LRRTM4: variants seen among roughly 807,000 people sequenced by gnomAD.
LRRTM4 encodes the protein leucine-rich repeat transmembrane neuronal protein 4.
LRRTM4 carries 25 observed loss-of-function variants against 47.6 expected under a neutral mutation model. The observed-to-expected ratio is 0.53, with a 90% CI of 0.38 to 0.73. LRRTM4 has a LOEUF of 0.73. Ranked by LOEUF, LRRTM4 falls within the 30% of genes least tolerant of loss-of-function variation. LRRTM4 has a pLI of 0.00. For missense variants in LRRTM4, 638 were observed against 713.4 expected (o/e 0.89, Z 1.20); for synonymous variants, 311 against 269.5 (o/e 1.15, Z -1.51).
chr2:77,058,141 C>T (rs1679668249), intron 3 of LRRTM4, among the ~76,000 whole-genome samples: 1 of 152,106 alleles, frequency 6.6e-6, no homozygotes, highest in Admixed American at 6.6e-5. Context: ...CTAATTCAAA[C>T]AACCAACAAA....
At chr2:76,969,847 AAAAT>A (rs1004365829) in intron 3 of LRRTM4, among the ~76,000 whole-genome samples, 12 of 152,084 alleles carry the variant, frequency 7.9e-5, no homozygotes, top group African/African-American at 2.6e-4. Context: ...TCTTAGGGAG[AAAAT>A]AAATAAATAA....
intron 3 of LRRTM4, among the ~76,000 whole-genome samples, chr2:77,344,300 C>T (rs1333558874): frequency 6.6e-6 from 1 of 151,588 alleles, no homozygotes; most frequent in African/African-American, 2.4e-5. Context: ...CTATAAACAG[C>T]CATTACAATG....
At chr2:76,806,186 TAAAC>T (rs969830753) in intron 3 of LRRTM4, among the ~76,000 whole-genome samples, 5 of 152,156 alleles carry the variant, frequency 3.3e-5, no homozygotes, top group African/African-American at 7.2e-5. Flanking sequence ...AGGGCTTTAT[TAAAC>T]AAATAACTAG....
rs1573489590 is a variant in LRRTM4 at position 77,492,745 on chromosome 2, T to C, written c.1551+25573A>G. ...GTATAAGGATACTTTATGAAATCAA[T>C]GCACAGCTCTCAGTTTTGAGAGATC... On this transcript the variant is annotated intron_variant, in intron 3 of 3. Transcript: ENST00000409884. 5.9e-5 allele frequency among the ~76,000 whole-genome samples: 9 copies of C among 152,282 alleles called. No homozygotes were observed. The South Asian group carries it at 1.9e-3, about 32-fold the overall frequency.
intron 3 of LRRTM4, among the ~76,000 whole-genome samples, chr2:77,184,679 C>T (rs1159615804): frequency 6.6e-6 from 1 of 151,978 alleles, no homozygotes; most frequent in East Asian, 1.9e-4. Context: ...TCCCTCCCAG[C>T]CATAAATAAA....
chr2:76,799,628 A>C (rs1675546622), intron 3 of LRRTM4, among the ~76,000 whole-genome samples: 1 of 137,220 alleles, frequency 7.3e-6, no homozygotes, highest in African/African-American at 2.8e-5. Context: ...AAGGAAATAA[A>C]GGGTATTCAA....
rs181254608 is a variant in LRRTM4, at chr2:77,324,371, C to T, written c.1551+193947G>A. Among the ~76,000 whole-genome samples, 374 of 152,188 alleles carry T rather than the reference C, an allele frequency of 2.5e-3. 6 individuals carry two copies. Among genetic ancestry groups the T allele is most frequent in the Non-Finnish European group, 7.5e-4 (51 of 67,984 alleles). The stretch of plus-strand genomic sequence containing the variant: ...TTAAATAGGTAAGCTCATATGCACA[C>T]AAATATATTTCTGACAGAAGTGCTA... On this transcript the variant is annotated intron_variant, in intron 3 of 3. Transcript: ENST00000409884.
At chr2:77,394,566 A>G (rs1209990944) in intron 3 of LRRTM4, among the ~76,000 whole-genome samples, 1 of 151,930 alleles carries the variant, frequency 6.6e-6, no homozygotes, top group Non-Finnish European at 1.5e-5. Context: ...AGGCACTTCA[A>G]GCGATGTGAG....
intron 3 of LRRTM4, among the ~76,000 whole-genome samples, chr2:77,172,850 C>G (rs1235244997): frequency 6.6e-6 from 1 of 152,096 alleles, no homozygotes; most frequent in Non-Finnish European, 1.5e-5. Context: ...TAGTAAAAAC[C>G]CCCAAATATC....
At chr2:77,059,370 T>TTTCG (rs1224484324) in intron 3 of LRRTM4, among the ~76,000 whole-genome samples, 1 of 152,048 alleles carries the variant, frequency 6.6e-6, no homozygotes, top group Non-Finnish European at 1.5e-5. Flanking sequence ...TCACTTTTTC[T>TTTCG]TTATTTCCTT....
chr2:77,151,330 C>A (rs955029818), intron 3 of LRRTM4, among the ~76,000 whole-genome samples: 1 of 152,116 alleles, frequency 6.6e-6, no homozygotes, highest in South Asian at 2.1e-4. Context: ...CATTCCCCCA[C>A]AATCTCAATC....
At chr2:76,837,967 A>G (rs866125572) in intron 3 of LRRTM4, among the ~76,000 whole-genome samples, 3 of 152,002 alleles carry the variant, frequency 2.0e-5, no homozygotes, top group African/African-American at 7.2e-5. Flanking sequence ...GGATAGCATT[A>G]GGAGATATAC....
At chr2:76,963,408 G>A (rs899193640) in intron 3 of LRRTM4, among the ~76,000 whole-genome samples, 1 of 150,818 alleles carries the variant, frequency 6.6e-6, no homozygotes, top group African/African-American at 2.4e-5. Context: ...TATTGATCAA[G>A]TGATTAAAAC....
At chr2:77,183,466 C>G (rs1673408011) in intron 3 of LRRTM4, among the ~76,000 whole-genome samples, 1 of 152,084 alleles carries the variant, frequency 6.6e-6, no homozygotes, top group Admixed American at 6.6e-5. Context: ...AATAGGAATA[C>G]TTTTACACTG....
chr2:77,226,448 G>A (rs1210954483), intron 3 of LRRTM4, among the ~76,000 whole-genome samples: 3 of 151,020 alleles, frequency 2.0e-5, no homozygotes, highest in Non-Finnish European at 3.0e-5. Flanking sequence ...CATTTAAAAA[G>A]CATAAACATG....
chr2:77,431,084 A>G (rs1158721504), intron 3 of LRRTM4, among the ~76,000 whole-genome samples: 2 of 148,602 alleles, frequency 1.3e-5, no homozygotes, highest in Non-Finnish European at 2.9e-5. Context: ...GAGTCGCAAC[A>G]TTGGTTTCCC....
At chr2:76,926,673 C>T (rs939009285) in intron 3 of LRRTM4, among the ~76,000 whole-genome samples, 1 of 152,046 alleles carries the variant, frequency 6.6e-6, no homozygotes, top group African/African-American at 2.4e-5. Flanking sequence ...TGAGTCTGAC[C>T]CCTTCTTGCT....
chr2:77,280,229 C>A (rs992931934), intron 3 of LRRTM4, among the ~76,000 whole-genome samples: 3 of 151,934 alleles, frequency 2.0e-5, no homozygotes, highest in Non-Finnish European at 4.4e-5. Flanking sequence ...GGAATGTGGG[C>A]AGCCTCTAGA....
chr2:77,373,154 A>G (rs1487241544), intron 3 of LRRTM4, among the ~76,000 whole-genome samples: 1 of 148,990 alleles, frequency 6.7e-6, no homozygotes, highest in East Asian at 2.0e-4. Flanking sequence ...AAAAACAAAA[A>G]CTAGGAAGAT....
Sources: gnomAD v4.1 joint callset for allele counts (sites outside exome capture counted in the v4.1 genomes callset) on GRCh38, gnomAD v4.1.1 for gene constraint, MANE v1.5 for transcripts, NCBI Gene and HGNC (gene_info 2026-07-23, HGNC 2026-07-21) for gene names.